The following PNPLA7 variants were observed in gnomAD, a reference collection of about 807,000 sequenced individuals.
PNPLA7 encodes patatin like domain 7, lysophospholipase.
In PNPLA7, 153 loss-of-function variants were observed where a neutral mutation model predicts 161.7. That is an observed-to-expected ratio of 0.95 (90% CI 0.83 to 1.08). The LOEUF is 1.08. Ranked by LOEUF, PNPLA7 falls within the 50% of genes least tolerant of loss-of-function variation. The pLI is 0.00. For synonymous variants in PNPLA7, 809 were observed against 782.1 expected (o/e 1.03, Z -0.57); for missense variants, 1,739 against 1,856.6 (o/e 0.94, Z 1.16).
rs542867804 is a variant in PNPLA7 at position 137,507,553 on chromosome 9, C to A, written c.1226-1470G>T. On this transcript the variant is annotated intron_variant, in intron 12 of 34. Transcript: ENST00000406427. ...GCGTGGTGGCACATGCCTGTTACCC[C>A]AGGTCCTCGGGAGGCTGAGGCAGGA... Among the ~76,000 whole-genome samples the A allele has an allele frequency of 2.6e-5, 4 of 152,302 alleles. No homozygotes were observed. In the South Asian group the frequency reaches 8.3e-4, roughly 32 times the overall value.
chr9:137,530,975 C>T (rs554681140), intron 8 of PNPLA7, among the ~76,000 whole-genome samples: 124 of 152,248 alleles, frequency 8.1e-4, no homozygotes, highest in African/African-American at 2.8e-3. Flanking sequence ...CCCCGCACAT[C>T]GAGCACACCA....
intron 8 of PNPLA7, among the ~76,000 whole-genome samples, chr9:137,538,583 C>T (rs1044348546): frequency 6.6e-6 from 1 of 152,178 alleles, no homozygotes; most frequent in Non-Finnish European, 1.5e-5. Flanking sequence ...TAGAAGTTAC[C>T]TTGATACACA....
intron 26 of PNPLA7, among the ~76,000 whole-genome samples, chr9:137,465,150 G>A (rs950611750): frequency 1.3e-5 from 2 of 152,178 alleles, no homozygotes; most frequent in African/African-American, 4.8e-5. Flanking sequence ...TGGGCTGGAC[G>A]TGCTTACACC....
chr9:137,512,779 G>A (rs1449892478), intron 12 of PNPLA7, among the ~76,000 whole-genome samples: 1 of 148,888 alleles, frequency 6.7e-6, no homozygotes, highest in Non-Finnish European at 1.5e-5. Context: ...CTCTCTACAG[G>A]AAACAAGAAA....
chr9:137,547,224 C>T lies in PNPLA7; in HGVS notation c.193+85G>A. On this transcript the variant is annotated intron_variant, in intron 3 of 34. Transcript: ENST00000406427. This position sits in a 1 kb window ranked among gnomAD's most constrained non-coding sequence, Gnocchi z 4.6. Reference sequence around the variant, plus strand: ...GCCAAAGCCACCATGCGCTTGAGGGCCCCTCCCAGGGGCTCAAAACACATC... The same window carrying T: ...GCCAAAGCCACCATGCGCTTGAGGGTCCCTCCCAGGGGCTCAAAACACATC... 1 of 1,321,712 alleles carries T rather than the reference C, an allele frequency of 7.6e-7. No individual in the cohort carries two copies. The highest frequency in any genetic ancestry group is 1.1e-6 in the Non-Finnish European group (1 of 920,686). The allele number at this position is 1,321,712 out of a possible 1,614,324, so 81.9% of individuals were successfully genotyped here.
rs1564295406 is a variant in PNPLA7 at position 137,482,557 on chromosome 9, G to A, written c.2348-1534C>T. ...TATAGAGATCGAGAACAGATCCAGG[G>A]CTGCCGGCAAGCCGGGGTGCTGGGT... On this transcript the variant is annotated intron_variant, in intron 21 of 34. Coordinates refer to ENST00000406427, the MANE Select transcript of PNPLA7 (RefSeq NM_001098537.3). 2.0e-5 allele frequency among the ~76,000 whole-genome samples: 3 copies of A among 152,260 alleles called. No homozygotes were observed. In the South Asian group the frequency reaches 6.2e-4, roughly 31 times the overall value.
chr9:137,506,395 T>C (rs1275266705), intron 12 of PNPLA7, among the ~76,000 whole-genome samples: 1 of 152,204 alleles, frequency 6.6e-6, no homozygotes, highest in Non-Finnish European at 1.5e-5. Flanking sequence ...CTGAGCCAAA[T>C]TCCTCAAACC....
chr9:137,515,241 G>T, intron 12 of PNPLA7, 138 bp downstream of exon 12: 1 of 1,149,166 alleles, frequency 8.7e-7, no homozygotes, highest in Non-Finnish European at 1.2e-6. Flanking sequence ...ACAGGCACAG[G>T]CCCCCCTGGG....
Position 137,462,198 on chromosome 9 carries a change from C to A in PNPLA7, c.3626G>T (p.Gly1209Val). Reference protein sequence around the residue: ...PIDSYSTLDFGKFNEICEVGY... With the variant: ...PIDSYSTLDFVKFNEICEVGY... The stretch of plus-strand genomic sequence containing the variant: ...ACTCACGCAGATCTCGTTGAACTTG[C>A]CGAAGTCCAGGGTGCTGTAGCTGTC... The change falls in exon 31 of 35, where the codon GGC becomes GTC. Residue 1209 changes from glycine (G) to valine (V), a missense_variant. Physicochemically the swap from Gly to Val is moderately radical, Grantham distance 109 (BLOSUM62 -3). This residue lies in a region of PNPLA7 where 703 missense variants were observed against 694.6 expected (regional missense o/e 1.01). Transcript: ENST00000406427. 1 of 1,570,616 alleles carries A rather than the reference C, an allele frequency of 6.4e-7. No individual in the cohort carries two copies. Among genetic ancestry groups the A allele is most frequent in the Non-Finnish European group, 8.7e-7 (1 of 1,155,088 alleles).
chr9:137,522,671 C>T lies in PNPLA7; in HGVS notation c.876+58G>A. On this transcript the variant is annotated intron_variant, in intron 9 of 34. Transcript: ENST00000406427. ...CCCACTCAAATCCCAAACCAGTGCC[C>T]AGGCCCCCCCAGGGTGACCCACAGC... The T allele has an allele frequency of 2.5e-6, 4 of 1,595,352 alleles. No individual in the cohort carries two copies. In the South Asian group the frequency reaches 4.5e-5, roughly 18 times the overall value.
rs1342563938 is a variant in PNPLA7, at chr9:137,528,922, G to C, written c.748-6065C>G. On this transcript the variant is annotated intron_variant, in intron 8 of 34. Transcript: ENST00000406427. The stretch of plus-strand genomic sequence containing the variant: ...TCACTGCGTTAGCCAGGATGGTCTC[G>C]ATCTCCTGACCTCGTGATCCGCCCG... Among the ~76,000 whole-genome samples the C allele has an allele frequency of 2.0e-5, 3 of 150,888 alleles. No individual in the cohort carries two copies. In the East Asian group the frequency reaches 6.0e-4, roughly 30 times the overall value.
In PNPLA7 at chr9:137,467,520, G is replaced by A. The variant is rs752005598; in HGVS notation, c.2883-47C>T. 1.3e-6 allele frequency: 2 copies of A among 1,598,618 alleles called. No homozygotes were observed. Among genetic ancestry groups the A allele is most frequent in the South Asian group, 2.2e-5 (2 of 89,558 alleles). ...AGCAAGGAGTGAGTACCAGGCCCAG[G>A]CTGCGCCCTGCAGAGGCCTTGTGCT... On this transcript the variant is annotated intron_variant, in intron 25 of 34. Transcript: ENST00000406427. The surrounding 1 kb of genome is among the most constrained non-coding windows in gnomAD (Gnocchi z 5.1).
At chr9:137,485,736 C>T (rs73567263) in intron 20 of PNPLA7, among the ~76,000 whole-genome samples, 4,340 of 152,326 alleles carry the variant, frequency 0.028, 187 homozygotes, top group African/African-American at 0.098. Context: ...TCAAGGCAGA[C>T]CAGGCTTTCC....
chr9:137,469,514 A>G (rs1253738803), intron 25 of PNPLA7, among the ~76,000 whole-genome samples: 1 of 152,344 alleles, frequency 6.6e-6, no homozygotes, highest in Non-Finnish European at 1.5e-5. Context: ...AGGAAAGAAA[A>G]AACCTTTAAG....
At chr9:137,470,999 C>T (rs1438546586) in intron 25 of PNPLA7, among the ~76,000 whole-genome samples, 2 of 152,222 alleles carry the variant, frequency 1.3e-5, no homozygotes, top group African/African-American at 2.4e-5. Flanking sequence ...CACCTGCTCC[C>T]GCGCCTGGAA....
chr9:137,503,314 G>C (rs1471725183), intron 14 of PNPLA7, among the ~76,000 whole-genome samples: 1 of 152,040 alleles, frequency 6.6e-6, no homozygotes, highest in Non-Finnish European at 1.5e-5. Flanking sequence ...CCAGGAAGTG[G>C]AGGTTGCAGT....
chr9:137,474,556 C>T (rs941340754), intron 25 of PNPLA7, among the ~76,000 whole-genome samples: 22 of 152,146 alleles, frequency 1.4e-4, no homozygotes, highest in South Asian at 4.1e-4. Context: ...CGTGGGGAAA[C>T]GCACGCGGAC....
In PNPLA7 at chr9:137,468,593, T is replaced by C. The variant is rs28670671; in HGVS notation, c.2883-1120A>G. 0.29 allele frequency among the ~76,000 whole-genome samples: 44,316 copies of C among 151,892 alleles called. 6,915 individuals carry two copies. Among genetic ancestry groups the C allele is most frequent in the East Asian group, 0.61 (3,123 of 5,140 alleles). On this transcript the variant is annotated intron_variant, in intron 25 of 34. Coordinates refer to ENST00000406427, the MANE Select transcript of PNPLA7 (RefSeq NM_001098537.3). This position sits in a 1 kb window ranked among gnomAD's most constrained non-coding sequence, Gnocchi z 4.0. ...TCTCTGTCCCCACCGAAATCTCATG[T>C]TGAATTTTAATCCTCAGTGTTGGAG...
At chr9:137,502,802 G>T (rs185431278) in intron 14 of PNPLA7, among the ~76,000 whole-genome samples, 1 of 137,448 alleles carries the variant, frequency 7.3e-6, no homozygotes, top group Admixed American at 7.4e-5. Context: ...GGCACTGAAC[G>T]CACGGCTGAA....
Sources: gnomAD v4.1 joint callset for allele counts (sites outside exome capture counted in the v4.1 genomes callset) on GRCh38, gnomAD v4.1.1 for gene constraint, gnomAD v4.1.1 regional missense constraint, Gnocchi (gnomAD v3.1) non-coding constraint, MANE v1.5 for transcripts, NCBI Gene and HGNC (gene_info 2026-07-23, HGNC 2026-07-21) for gene names.